Variants in R3HDM4 observed in about 807,000 individuals in gnomAD.
The protein encoded by R3HDM4 is R3H domain-containing protein 4.
Under a neutral mutation model 31.3 loss-of-function variants are expected in R3HDM4, and 30 were observed. That is an observed-to-expected ratio of 0.96 (90% CI 0.72 to 1.30). The LOEUF is 1.30. Ranked by LOEUF, R3HDM4 falls within the 50% of genes most tolerant of loss-of-function variation. The pLI is 0.00. For synonymous variants in R3HDM4, 196 were observed against 156.6 expected (o/e 1.25, Z -1.88); for missense variants, 444 against 366.1 (o/e 1.21, Z -1.74).
chr19:913,046 C>CCCCCCCCCCG lies in R3HDM4; in HGVS notation c.71+40_71+41insCGGGGGGGGG. ...AGGATCTCAGGGGAGGGAGCCCAGC[C>CCCCCCCCCCG]CGCCCCCGGCGCCCGCCGCGCCCCG... On this transcript the variant is annotated intron_variant, in intron 1 of 7. Coordinates refer to ENST00000361574, the MANE Select transcript of R3HDM4 (RefSeq NM_138774.4). The surrounding 1 kb of genome is among the most constrained non-coding windows in gnomAD (Gnocchi z 5.0). 2.4e-6 allele frequency: 2 copies of CCCCCCCCCCG among 831,404 alleles called. No homozygotes were observed. The highest frequency in any genetic ancestry group is 5.3e-5 in the South Asian group (1 of 18,970). The allele number at this position is 831,404 out of a possible 1,614,324, so 51.5% of individuals were successfully genotyped here.
chr19:898,953 C>T (rs924712342), intron 7 of R3HDM4, among the ~76,000 whole-genome samples: 8 of 152,278 alleles, frequency 5.3e-5, no homozygotes, highest in South Asian at 2.1e-4. Context: ...CTGGGGCCGG[C>T]GGCGCCTGCA....
intron 3 of R3HDM4, 134 bp downstream of exon 3, chr19:901,288 G>A: frequency 9.8e-7 from 1 of 1,017,926 alleles, no homozygotes; most frequent in Non-Finnish European, 1.4e-6. Context: ...CCCCGAAGGA[G>A]ACTGAGGGGC....
At chr19:904,508 G>A (rs1005396492) in intron 1 of R3HDM4, among the ~76,000 whole-genome samples, 4 of 152,088 alleles carry the variant, frequency 2.6e-5, no homozygotes, top group African/African-American at 9.7e-5. Flanking sequence ...ACTGGAAAAC[G>A]CTAGGAAACT....
chr19:901,202 C>T, intron 3 of R3HDM4: 1 of 674,840 alleles, frequency 1.5e-6, no homozygotes, highest in South Asian at 2.0e-5. Flanking sequence ...GGAGGGTTCC[C>T]AAACGTGTTG....
Position 902,051 on chromosome 19 carries a change from T to C in R3HDM4, c.151A>G (p.Ile51Val). The change falls in exon 2 of 8, where the codon ATC (isoleucine) becomes GTC (valine). Residue 51 changes from isoleucine to valine, a missense_variant. Coordinates refer to ENST00000361574, the MANE Select transcript of R3HDM4 (RefSeq NM_138774.4). ...TCTGAGTTCCGCACTGCCTGGTTGATGAAGTGCTGTTTCCGCCTGGAAGCC... is the reference window on the plus strand; with the variant it reads ...TCTGAGTTCCGCACTGCCTGGTTGACGAAGTGCTGTTTCCGCCTGGAAGCC... ...LSASRRKQHFINQAVRNSDLV... is the reference protein window; with the variant it reads ...LSASRRKQHFVNQAVRNSDLV... 6.2e-7 allele frequency: 1 copy of C among 1,613,908 alleles called. No individual in the cohort carries two copies. Among genetic ancestry groups the C allele is most frequent in the Non-Finnish European group, 8.5e-7 (1 of 1,180,002 alleles).
Position 897,505 on chromosome 19 carries a change from T to C in R3HDM4, c.739A>G (p.Ser247Gly), listed in dbSNP as rs1368314192. 6.2e-7 allele frequency: 1 copy of C among 1,613,206 alleles called. No individual in the cohort carries two copies. The highest frequency in any genetic ancestry group is 8.5e-7 in the Non-Finnish European group (1 of 1,179,774). The change falls in exon 8 of 8, where the codon AGT (serine) becomes GGT (glycine). Residue 247 changes from serine (S) to glycine (G), a missense_variant. Physicochemically the swap from Ser to Gly is moderately conservative, Grantham distance 56. Transcript: ENST00000361574. Reference protein sequence around the residue: ...DLEGKRQMKVSNRHLDFLPPG... With the variant: ...DLEGKRQMKVGNRHLDFLPPG... ...GGCAGGAAATCCAGGTGCCGATTAC[T>C]GACCTTCATCTGCCGCTTCCCCTCC...
At chr19:898,878 C>T (rs73918214) in intron 7 of R3HDM4, among the ~76,000 whole-genome samples, 2,826 of 152,238 alleles carry the variant, frequency 0.019, 72 homozygotes, top group African/African-American at 0.064. Flanking sequence ...TGGAAACTGT[C>T]ACCTCGGCAA....
At chr19:905,732 C>T (rs2036895734) in intron 1 of R3HDM4, among the ~76,000 whole-genome samples, 1 of 151,616 alleles carries the variant, frequency 6.6e-6, no homozygotes, top group African/African-American at 2.4e-5. Context: ...CCAGGGCTGC[C>T]TGAAGCAGGA....
chr19:901,655 A>G, intron 2 of R3HDM4, 109 bp from the exon 3 acceptor site: 6 of 1,384,872 alleles, frequency 4.3e-6, no homozygotes, highest in Non-Finnish European at 5.9e-6. Context: ...CAACCTCCGC[A>G]CCTCCATGCT....
At chr19:906,991 T>G (rs1227395729) in intron 1 of R3HDM4, among the ~76,000 whole-genome samples, 1 of 151,878 alleles carries the variant, frequency 6.6e-6, no homozygotes, top group Non-Finnish European at 1.5e-5. Context: ...AATTTTTGTA[T>G]TTTCAGTAGA....
chr19:900,419 G>T (rs2036812764), intron 4 of R3HDM4, among the ~76,000 whole-genome samples: 1 of 134,586 alleles, frequency 7.4e-6, no homozygotes, highest in South Asian at 2.5e-4. Flanking sequence ...GCCCACACAA[G>T]CCAGCTAGCC....
In R3HDM4 at chr19:897,448, G is replaced by T; in HGVS notation, c.796C>A (p.Gln266Lys). The T allele has an allele frequency of 6.2e-7, 1 of 1,610,012 alleles. No homozygotes were observed. Among genetic ancestry groups the T allele is most frequent in the Non-Finnish European group, 8.5e-7 (1 of 1,178,662 alleles). ...PGLLLSAYLEQHS is the reference protein window; with the variant it reads ...PGLLLSAYLEKHS ...CCGCGGGGCCGCCATCAGCTGTGCT[G>T]CTCCAGGTAGGCGGACAGGAGCAGC... Residue 266 changes from glutamine to lysine, a missense_variant, in exon 8 of 8, where the codon CAG becomes AAG. Transcript: ENST00000361574.
In R3HDM4 at chr19:899,665, C is replaced by T. The variant is rs1474607050; in HGVS notation, c.583G>A (p.Glu195Lys). Reference protein sequence around the residue: ...IPMETLETWEERLLRFFSVSP... With the variant: ...IPMETLETWEKRLLRFFSVSP... ...ACGGAGAAGAACCGAAGCAGCCGCT[C>T]CTCCCAGGTCTCCAGCGTTTCCTGG... The change falls in exon 6 of 8, where the codon GAG becomes AAG. Residue 195 changes from glutamate (E) to lysine (K), a missense_variant. Coordinates refer to ENST00000361574, the MANE Select transcript of R3HDM4 (RefSeq NM_138774.4). This position sits in a 1 kb window ranked among gnomAD's most constrained non-coding sequence, Gnocchi z 6.8. The T allele has an allele frequency of 6.3e-7, 1 of 1,597,954 alleles. No homozygotes were observed. The highest frequency in any genetic ancestry group is 2.2e-5 in the East Asian group (1 of 44,574).
In R3HDM4 at chr19:899,935, G is replaced by A. The variant is rs1007154969; in HGVS notation, c.561+126C>T. On this transcript the variant is annotated intron_variant, in intron 5 of 7. Transcript: ENST00000361574. This position sits in a 1 kb window ranked among gnomAD's most constrained non-coding sequence, Gnocchi z 6.8. ...CCCTCCTACTCAGGGCCCTGGTGCC[G>A]CTGTCTGTATCCTGCCCTGTTTCCC... 6.8e-6 allele frequency: 7 copies of A among 1,031,952 alleles called. No individual in the cohort carries two copies. The highest frequency in any genetic ancestry group is 2.4e-5 in the East Asian group (1 of 41,334). 63.9% of individuals were successfully genotyped at this position (1,031,952 alleles called of 1,614,324 possible).
rs2036922848 is a variant in R3HDM4 at position 907,619 on chromosome 19, C to G, written c.71+5468G>C. ...CTGGGTCTGACCCAGAACCCCAGAG[C>G]TACCCTGCTTCCCTCACCACCCCTC... On this transcript the variant is annotated intron_variant, in intron 1 of 7. Transcript: ENST00000361574. This position sits in a 1 kb window ranked among gnomAD's most constrained non-coding sequence, Gnocchi z 4.1. 6.6e-6 allele frequency among the ~76,000 whole-genome samples: 1 copy of G among 152,090 alleles called. No homozygotes were observed. Among genetic ancestry groups the G allele is most frequent in the Admixed American group, 6.5e-5 (1 of 15,270 alleles).
At chr19:903,789 G>A (rs374332639) in intron 1 of R3HDM4, among the ~76,000 whole-genome samples, 25 of 152,110 alleles carry the variant, frequency 1.6e-4, no homozygotes, top group African/African-American at 4.6e-4. Context: ...GGTGGCTCAC[G>A]CCTGTCATCC....
intron 1 of R3HDM4, among the ~76,000 whole-genome samples, chr19:908,453 C>T (rs1309481080): frequency 1.3e-5 from 2 of 151,326 alleles, no homozygotes; most frequent in Non-Finnish European, 2.9e-5. Context: ...ACTAAAAATA[C>T]AAAAAAATTA....
rs1200241473 is a variant in R3HDM4 at position 897,122 on chromosome 19, T to C, written c.*315A>G. The C allele has an allele frequency of 6.2e-6, 2 of 321,218 alleles. No individual in the cohort carries two copies. Among genetic ancestry groups the C allele is most frequent in the East Asian group, 1.0e-4 (2 of 19,956 alleles). 19.9% of individuals were successfully genotyped at this position (321,218 alleles called of 1,614,324 possible). On this transcript the variant is annotated 3_prime_UTR_variant, in exon 8 of 8. Transcript: ENST00000361574. Reference sequence around the variant, plus strand: ...AAGTGATAAAAACCCAGCCTCCCCCTCCTCACTTGAGCTTCAGACCGGGCC... The same window carrying C: ...AAGTGATAAAAACCCAGCCTCCCCCCCCTCACTTGAGCTTCAGACCGGGCC...
At chr19:912,426 G>A (rs1424374734) in intron 1 of R3HDM4, among the ~76,000 whole-genome samples, 7 of 120,648 alleles carry the variant, frequency 5.8e-5, no homozygotes, top group East Asian at 2.5e-4. Flanking sequence ...GCACGGACCA[G>A]GGAGTTGGGG....
Sources: gnomAD v4.1 joint callset for allele counts (sites outside exome capture counted in the v4.1 genomes callset) on GRCh38, gnomAD v4.1.1 for gene constraint, Gnocchi (gnomAD v3.1) non-coding constraint, MANE v1.5 for transcripts, NCBI Gene and HGNC (gene_info 2026-07-23, HGNC 2026-07-21) for gene names.